The following ABCC1 variants were observed in gnomAD, a reference collection of about 807,000 sequenced individuals.
ABCC1 encodes ATP binding cassette subfamily C member 1 (ABCC1 blood group), also known as multidrug resistance-associated protein 1.
ABCC1 carries 83 observed loss-of-function variants against 172.9 expected under a neutral mutation model. That is an observed-to-expected ratio of 0.48 (90% CI 0.40 to 0.58). The LOEUF is 0.58. Among genes scored for constraint, ABCC1 ranks in the 20% least tolerant of loss-of-function variants. The pLI is 0.00. For synonymous variants in ABCC1, 937 were observed against 825.2 expected (o/e 1.14, Z -2.32); for missense variants, 1,817 against 2,002.7 (o/e 0.91, Z 1.77).
chr16:15,971,652 C>G (rs1477116856), intron 1 of ABCC1, among the ~76,000 whole-genome samples: 1 of 152,160 alleles, frequency 6.6e-6, no homozygotes, highest in East Asian at 1.9e-4. Context: ...GGAACAGCAG[C>G]TAGGGCTCCT....
intron 19 of ABCC1, among the ~76,000 whole-genome samples, chr16:16,101,218 G>C (rs1199287385): frequency 1.3e-5 from 2 of 152,006 alleles, no homozygotes; most frequent in Non-Finnish European, 2.9e-5. Flanking sequence ...TTTTAGAATA[G>C]AGTTGGGGTT....
At chr16:16,063,163 G>C (rs1048623312) in intron 12 of ABCC1, among the ~76,000 whole-genome samples, 1 of 152,166 alleles carries the variant, frequency 6.6e-6, no homozygotes, top group African/African-American at 2.4e-5. Flanking sequence ...CTGGAGTGCA[G>C]TGGCACAATC....
At position 16,131,764 on chromosome 16, in the gene ABCC1, C is replaced by G. The variant is rs761227310; in HGVS notation, c.3820-25C>G. The G allele has an allele frequency of 4.4e-6, 7 of 1,608,106 alleles. No individual in the cohort carries two copies. In the East Asian group the frequency reaches 6.9e-5, roughly 16 times the overall value. Reference sequence around the variant, plus strand: ...TACCAGATGGACTGGAAATTCCTTACTCTCTCCCTTCACTGCGATCGAAGG... The same window carrying G: ...TACCAGATGGACTGGAAATTCCTTAGTCTCTCCCTTCACTGCGATCGAAGG... On this transcript the variant is annotated intron_variant, in intron 26 of 30. Transcript: ENST00000399410.
At position 16,027,649 on chromosome 16, in the gene ABCC1, C is replaced by T. The variant is rs552656990; in HGVS notation, c.616-5460C>T. On this transcript the variant is annotated intron_variant, in intron 5 of 30. Coordinates refer to ENST00000399410, the MANE Select transcript of ABCC1 (RefSeq NM_004996.4). ...GGAATAGAGTGAAATTCTGTCTCTA[C>T]AAAAAATACAAAAATTAGCTGGGTG... 3.9e-5 allele frequency among the ~76,000 whole-genome samples: 6 copies of T among 152,166 alleles called. No homozygotes were observed. The South Asian group carries it at 6.2e-4, about 16-fold the overall frequency.
In ABCC1 at chr16:16,094,250, A is replaced by G. The variant is rs531139084; in HGVS notation, c.2644+3662A>G. On this transcript the variant is annotated intron_variant, in intron 19 of 30. Coordinates refer to ENST00000399410, the MANE Select transcript of ABCC1 (RefSeq NM_004996.4). Reference sequence around the variant, plus strand: ...GTGCTTTCTTCAGTTGGATATGCTCAAGGACCAGAGAATCTGCATCTGAAC... The same window carrying G: ...GTGCTTTCTTCAGTTGGATATGCTCGAGGACCAGAGAATCTGCATCTGAAC... The G allele has an allele frequency of 3.1e-4, 84 of 270,958 alleles. No homozygotes were observed. In the South Asian group the frequency reaches 3.4e-3, roughly 11 times the overall value. The allele number at this position is 270,958 out of a possible 1,614,324, so 16.8% of individuals were successfully genotyped here.
At chr16:16,102,416 C>T (rs1401918789) in intron 19 of ABCC1, among the ~76,000 whole-genome samples, 4 of 152,186 alleles carry the variant, frequency 2.6e-5, no homozygotes, top group Admixed American at 6.5e-5. Flanking sequence ...AAGCACTGTC[C>T]CTACCCCAAG....
chr16:16,093,428 G>A (rs1359064488), intron 19 of ABCC1, among the ~76,000 whole-genome samples: 2 of 151,570 alleles, frequency 1.3e-5, no homozygotes, highest in African/African-American at 2.4e-5. Context: ...AGTGTATACA[G>A]AACATGGAAG....
At chr16:15,995,498 T>C (rs1461130242) in intron 1 of ABCC1, among the ~76,000 whole-genome samples, 2 of 140,992 alleles carry the variant, frequency 1.4e-5, no homozygotes, top group South Asian at 2.5e-4. Flanking sequence ...TTTGCTCCCA[T>C]TGGGCATACA....
Position 15,984,448 on chromosome 16 carries a change from C to CGTTTTTTTTTT in ABCC1, c.49-23368_49-23367insGTTTTTTTTTT, listed in dbSNP as rs61396501. On this transcript the variant is annotated intron_variant, in intron 1 of 30. Transcript: ENST00000399410. ...TTTTTATTGTTTACCTTGATATATA[C>CGTTTTTTTTTT]TTTTTTTTTTTTTGAGATAGAGTCT... is the stretch of plus-strand genomic sequence containing the variant. 1.0e-4 allele frequency among the ~76,000 whole-genome samples: 15 copies of CGTTTTTTTTTT among 146,948 alleles called. 5 individuals are homozygous for CGTTTTTTTTTT. Among genetic ancestry groups the CGTTTTTTTTTT allele is most frequent in the Non-Finnish European group, 9.0e-5 (6 of 66,860 alleles).
At chr16:16,040,806 A>G (rs2048947459) in intron 7 of ABCC1, among the ~76,000 whole-genome samples, 1 of 151,886 alleles carries the variant, frequency 6.6e-6, no homozygotes, top group South Asian at 2.1e-4. Context: ...GTTCATAACA[A>G]CCCAGGCTGT....
At chr16:16,002,442 A>G (rs553279301) in intron 1 of ABCC1, among the ~76,000 whole-genome samples, 2 of 152,326 alleles carry the variant, frequency 1.3e-5, no homozygotes, top group South Asian at 4.1e-4. Flanking sequence ...TTCAAAAGAA[A>G]TATCAAGAAT....
chr16:16,113,603 C>T (rs547350195), intron 22 of ABCC1, among the ~76,000 whole-genome samples: 5 of 152,150 alleles, frequency 3.3e-5, no homozygotes, highest in South Asian at 4.2e-4. Context: ...TGCAGTGAGC[C>T]GTGATCACAG....
chr16:16,052,698 A>C (rs369156096), intron 10 of ABCC1, 26 bp from the exon 11 acceptor site: 105 of 1,610,638 alleles, frequency 6.5e-5, no homozygotes, highest in Admixed American at 6.0e-4. Flanking sequence ...CTGGTGAGTG[A>C]TGAAGAGTCT....
chr16:16,120,225 AG>A (rs1479061438), intron 23 of ABCC1, among the ~76,000 whole-genome samples: 1 of 151,918 alleles, frequency 6.6e-6, no homozygotes. Context: ...AGGGAGGCCG[AG>A]TTCCTAGCAA....
chr16:16,019,792 G>C (rs957936734), intron 5 of ABCC1, among the ~76,000 whole-genome samples: 4 of 152,138 alleles, frequency 2.6e-5, no homozygotes, highest in Non-Finnish European at 5.9e-5. Context: ...TCTCAGCTCT[G>C]GCGGCTAAAA....
chr16:16,072,996 C>T (rs541360997), intron 14 of ABCC1, among the ~76,000 whole-genome samples: 6 of 150,226 alleles, frequency 4.0e-5, no homozygotes, highest in African/African-American at 1.5e-4. Context: ...GAGCCAAGAT[C>T]GCGCCACTGC....
chr16:16,083,252 A>T (rs1178987608), intron 16 of ABCC1, 114 bp from the exon 17 acceptor site: 9 of 1,053,502 alleles, frequency 8.5e-6, no homozygotes, highest in Non-Finnish European at 1.3e-5. Context: ...AATAGTTGTG[A>T]TGAAAATGAC....
intron 1 of ABCC1, among the ~76,000 whole-genome samples, chr16:15,961,219 C>T (rs962191377): frequency 2.6e-5 from 4 of 152,110 alleles, no homozygotes; most frequent in Non-Finnish European, 4.4e-5. Flanking sequence ...TTAACTGAAA[C>T]GTTTGTGATC....
At chr16:15,985,507 C>T (rs140904886) in intron 1 of ABCC1, among the ~76,000 whole-genome samples, 2 of 152,060 alleles carry the variant, frequency 1.3e-5, no homozygotes, top group Non-Finnish European at 2.9e-5. Context: ...TGCAATGGCA[C>T]CATCTCGGCT....
Sources: gnomAD v4.1 joint callset for allele counts (sites outside exome capture counted in the v4.1 genomes callset) on GRCh38, gnomAD v4.1.1 for gene constraint, MANE v1.5 for transcripts, NCBI Gene and HGNC (gene_info 2026-07-23, HGNC 2026-07-21) for gene names.